The following WNK1 variants were observed in gnomAD, a reference collection of about 807,000 sequenced individuals.
The protein encoded by WNK1 is serine/threonine-protein kinase WNK1.
A neutral mutation model predicts 222.8 loss-of-function variants in WNK1; 38 were observed. That is an observed-to-expected ratio of 0.17 (90% CI 0.13 to 0.22). The LOEUF (loss-of-function observed/expected upper bound fraction) is 0.22, where lower values mean the gene tolerates loss of function less well. Ranked by LOEUF, WNK1 falls within the 10% of genes least tolerant of loss-of-function variation. WNK1 has a pLI of 1.00. For missense variants in WNK1, 2,348 were observed against 2,918.4 expected (o/e 0.80, Z 4.50); for synonymous variants, 1,090 against 1,092.9 (o/e 1.00, Z 0.05).
rs190898041 is a variant in WNK1 at position 907,431 on chromosome 12, A to G, written c.6644-416A>G. Among the ~76,000 whole-genome samples, 519 of 152,222 alleles carry G rather than the reference A, an allele frequency of 3.4e-3. 7 individuals are homozygous for G. The highest frequency in any genetic ancestry group is 9.1e-3 in the East Asian group (47 of 5,184). ...TCCTACTCCTACTTTAACCGTGCCC[A>G]ATGCACAAGAAAACCTCTTTTTCCC... On this transcript the variant is annotated intron_variant, in intron 26 of 27. Coordinates refer to ENST00000315939, the MANE Select transcript of WNK1 (RefSeq NM_018979.4).
intron 4 of WNK1, among the ~76,000 whole-genome samples, chr12:830,487 A>T (rs1027748751): frequency 6.6e-6 from 1 of 152,216 alleles, no homozygotes; most frequent in Non-Finnish European, 1.5e-5. Context: ...CATAGGTCAG[A>T]GTTAAAAGTA....
chr12:779,825 C>T (rs1171235766), intron 1 of WNK1, among the ~76,000 whole-genome samples: 1 of 152,080 alleles, frequency 6.6e-6, no homozygotes, highest in Non-Finnish European at 1.5e-5. Context: ...AAGAACAAAG[C>T]ATTTTCTCTG....
At chr12:842,240 G>A (rs1434870015) in intron 4 of WNK1, among the ~76,000 whole-genome samples, 1 of 152,136 alleles carries the variant, frequency 6.6e-6, no homozygotes, top group South Asian at 2.1e-4. Context: ...TTGAATAGCA[G>A]CAAGTAGAAA....
At chr12:817,965 GAAA>G (rs994262781) in intron 2 of WNK1, among the ~76,000 whole-genome samples, 1 of 151,700 alleles carries the variant, frequency 6.6e-6, no homozygotes, top group Non-Finnish European at 1.5e-5. Context: ...AAAAGAAAAA[GAAA>G]AAAAATTTGG....
chr12:847,129 A>G (rs996588334), intron 4 of WNK1, among the ~76,000 whole-genome samples: 11 of 152,226 alleles, frequency 7.2e-5, no homozygotes, highest in Admixed American at 5.9e-4. Flanking sequence ...TAGGTACTAA[A>G]TAATAATTAT....
chr12:849,690 TATATCTCCTA>T (rs1363046572), intron 4 of WNK1, among the ~76,000 whole-genome samples: 7 of 152,096 alleles, frequency 4.6e-5, no homozygotes, highest in Non-Finnish European at 1.0e-4. Flanking sequence ...TAACATTAGG[TATATCTCCTA>T]ATGCTATCCC....
intron 1 of WNK1, among the ~76,000 whole-genome samples, chr12:786,839 T>A (rs1322958305): frequency 5.9e-5 from 9 of 152,312 alleles, no homozygotes; most frequent in Admixed American, 2.0e-4. Context: ...GACTTTTTTT[T>A]AAAGCCTGTT....
At chr12:792,336 G>A (rs1441788686) in intron 1 of WNK1, among the ~76,000 whole-genome samples, 5 of 137,540 alleles carry the variant, frequency 3.6e-5, no homozygotes, top group South Asian at 2.3e-4. Flanking sequence ...TTTTTGAGGC[G>A]GAGTCTCACT....
rs545005689 is a variant in WNK1 at position 843,222 on chromosome 12, C to T, written c.1311+13062C>T. 1.4e-3 allele frequency among the ~76,000 whole-genome samples: 207 copies of T among 152,278 alleles called. 1 individual carries two copies. The highest frequency in any genetic ancestry group is 4.9e-3 in the African/African-American group (203 of 41,556). On this transcript the variant is annotated intron_variant, in intron 4 of 27. Coordinates refer to ENST00000315939, the MANE Select transcript of WNK1 (RefSeq NM_018979.4). ...AAAGTGCTGGGATTACAGGTGTGAG[C>T]GACCACGCCTGGCCCAGGCTTGAGT...
intron 4 of WNK1, among the ~76,000 whole-genome samples, chr12:853,901 G>C (rs1950580058): frequency 6.6e-6 from 1 of 151,970 alleles, no homozygotes; most frequent in Non-Finnish European, 1.5e-5. Context: ...AGGCGTATGT[G>C]CCGCCACACC....
At position 909,786 on chromosome 12, in the gene WNK1, G is replaced by C. The variant is rs893644268; in HGVS notation, c.*994G>C. The C allele has an allele frequency of 2.6e-5, 4 of 152,254 alleles. No homozygotes were observed. Among genetic ancestry groups the C allele is most frequent in the African/African-American group, 9.6e-5 (4 of 41,466 alleles). The allele number at this position is 152,254 out of a possible 1,614,324, so 9.4% of individuals were successfully genotyped here. Reference sequence around the variant, plus strand: ...ATGTGGAAGGAAATCGTAGGTCCATGTGACCCCAGCAGTCCAGCAGTGGTT... The same window carrying C: ...ATGTGGAAGGAAATCGTAGGTCCATCTGACCCCAGCAGTCCAGCAGTGGTT... On this transcript the variant is annotated 3_prime_UTR_variant, in exon 28 of 28. Transcript: ENST00000315939.
chr12:789,518 CTG>C lies in WNK1; in HGVS notation c.760-24119_760-24118del, dbSNP rs1481570461. ...TCTCTGTTCAGTGTCCTAGTAGAAA[CTG>C]TGTGGTTATACTCCTTTTTTTTTTT... On this transcript the variant is annotated intron_variant, in intron 1 of 27. Transcript: ENST00000315939. Among the ~76,000 whole-genome samples the C allele has an allele frequency of 2.7e-5, 4 of 148,666 alleles. No individual in the cohort carries two copies. The East Asian group carries it at 7.9e-4, about 29-fold the overall frequency.
intron 4 of WNK1, among the ~76,000 whole-genome samples, chr12:849,416 A>G (rs1391641018): frequency 6.6e-6 from 1 of 152,194 alleles, no homozygotes; most frequent in Non-Finnish European, 1.5e-5. Context: ...AATGCCCTGA[A>G]GAAAAACTTT....
At chr12:863,555 CT>C (rs1001042507) in intron 8 of WNK1, among the ~76,000 whole-genome samples, 4 of 150,810 alleles carry the variant, frequency 2.7e-5, no homozygotes, top group African/African-American at 9.7e-5. Flanking sequence ...TTTGCTAAGA[CT>C]TTTTTTTTAA....
intron 8 of WNK1, 53 bp from the exon 9 acceptor site, chr12:871,212 A>G (rs960582573): frequency 9.1e-6 from 14 of 1,530,792 alleles, no homozygotes; most frequent in Admixed American, 3.3e-5. Flanking sequence ...CCTGACCTCT[A>G]TACACTTACT....
chr12:908,492 G>A lies in WNK1; in HGVS notation c.6849G>A (p.Arg2283=), dbSNP rs747605646. 8 of 1,614,048 alleles carry A rather than the reference G, an allele frequency of 5.0e-6. No homozygotes were observed. The Admixed American group carries it at 6.7e-5, about 13-fold the overall frequency. The change falls in exon 28 of 28, where the codon AGG becomes AGA. Residue 2283 remains arginine (R), a synonymous_variant. Coordinates refer to ENST00000315939, the MANE Select transcript of WNK1 (RefSeq NM_018979.4). The part of the protein sequence containing the change: ...HMNYEGPGMA[R]KFSAPGQLCI... ...GTTTTCAGGGCCCTGGAATGGCAAG[G>A]AAGTTCTCTGCACCTGGGCAACTGT...
intron 1 of WNK1, among the ~76,000 whole-genome samples, chr12:801,325 T>A (rs147889527): frequency 6.6e-6 from 1 of 152,210 alleles, no homozygotes; most frequent in Non-Finnish European, 1.5e-5. Flanking sequence ...TTTGGTTGTT[T>A]GCTTAGCAGC....
At position 862,214 on chromosome 12, in the gene WNK1, C is replaced by G. The variant is rs1223545784; in HGVS notation, c.2083C>G (p.Pro695Ala). Residue 695 changes from proline to alanine, a missense_variant, in exon 8 of 28, where the codon CCT (proline) becomes GCT (alanine). Pro to Ala is a conservative substitution (Grantham distance 27). Transcript: ENST00000315939. ...HSTGTVPGHI[P>A]STVQAQSQPH... ...TACAGGCACAGTCCCAGGGCATATA[C>G]CTTCTACTGTCCAAGCACAGTCTCA... is the stretch of plus-strand genomic sequence containing the variant. 3.1e-6 allele frequency: 5 copies of G among 1,614,036 alleles called. No homozygotes were observed. The East Asian group carries it at 1.1e-4, about 36-fold the overall frequency.
intron 1 of WNK1, among the ~76,000 whole-genome samples, chr12:770,860 C>A (rs1448219836): frequency 6.6e-6 from 1 of 152,046 alleles, no homozygotes; most frequent in Non-Finnish European, 1.5e-5. Flanking sequence ...TCTTTGAGAA[C>A]TTTAATTGTT....
Sources: gnomAD v4.1 joint callset for allele counts (sites outside exome capture counted in the v4.1 genomes callset) on GRCh38, gnomAD v4.1.1 for gene constraint, MANE v1.5 for transcripts, NCBI Gene and HGNC (gene_info 2026-07-23, HGNC 2026-07-21) for gene names.